Variants in NCKAP5 observed in about 807,000 individuals in gnomAD.
NCKAP5 encodes the protein NCK associated protein 5.
A neutral mutation model predicts 167.0 loss-of-function variants in NCKAP5; 92 were observed. The observed-to-expected ratio is 0.55, with a 90% CI of 0.47 to 0.66. NCKAP5 has a LOEUF of 0.66. Among genes scored for constraint, NCKAP5 ranks in the 30% least tolerant of loss-of-function variants. NCKAP5 has a pLI of 0.00. For synonymous variants in NCKAP5, 891 were observed against 877.4 expected (o/e 1.02, Z -0.27); for missense variants, 2,378 against 2,315.0 (o/e 1.03, Z -0.56).
intron 5 of NCKAP5, among the ~76,000 whole-genome samples, chr2:133,191,197 A>G (rs185832100): frequency 1.1e-4 from 16 of 152,262 alleles, no homozygotes; most frequent in East Asian, 3.9e-4. Flanking sequence ...GGCCATCAGA[A>G]AAATGCAAAT....
At chr2:133,318,939 T>C (rs1681818327) in intron 3 of NCKAP5, among the ~76,000 whole-genome samples, 2 of 152,172 alleles carry the variant, frequency 1.3e-5, no homozygotes, top group African/African-American at 2.4e-5. Flanking sequence ...CAGACCAGCA[T>C]TGTTAACATC....
intron 6 of NCKAP5, among the ~76,000 whole-genome samples, chr2:133,075,706 A>G (rs2080577629): frequency 6.6e-6 from 1 of 152,202 alleles, no homozygotes; most frequent in East Asian, 1.9e-4. Flanking sequence ...TAAAAAGTCT[A>G]CTCAAAGAAA....
At chr2:133,505,964 C>T (rs1367804036) in intron 3 of NCKAP5, among the ~76,000 whole-genome samples, 2 of 152,222 alleles carry the variant, frequency 1.3e-5, no homozygotes, top group Admixed American at 6.5e-5. Context: ...TTAATGACAA[C>T]ATCCCTCATC....
intron 4 of NCKAP5, among the ~76,000 whole-genome samples, chr2:133,256,263 AC>A (rs1298200488): frequency 1.3e-5 from 2 of 152,042 alleles, no homozygotes; most frequent in South Asian, 2.1e-4. Flanking sequence ...TAGGAGCCTT[AC>A]CCCCTCTATT....
chr2:133,639,248 G>A, the NCKAP5 span, among the ~76,000 whole-genome samples: 1 of 152,102 alleles, frequency 6.6e-6, no homozygotes, highest in Non-Finnish European at 1.5e-5. Context: ...GTAATTTGAG[G>A]AACAAATGGC....
intron 8 of NCKAP5, among the ~76,000 whole-genome samples, chr2:132,934,282 C>T (rs145116419): frequency 6.6e-6 from 1 of 152,232 alleles, no homozygotes; most frequent in Non-Finnish European, 1.5e-5. Context: ...TAATAACAAT[C>T]ACTATATGGA....
At chr2:133,004,534 G>C (rs2077893714) in intron 6 of NCKAP5, among the ~76,000 whole-genome samples, 1 of 152,092 alleles carries the variant, frequency 6.6e-6, no homozygotes, top group Non-Finnish European at 1.5e-5. Flanking sequence ...CAAAAGGGGA[G>C]GGGTGTACGA....
the NCKAP5 span, among the ~76,000 whole-genome samples, chr2:133,608,597 G>C: frequency 6.6e-6 from 1 of 152,164 alleles, no homozygotes; most frequent in Non-Finnish European, 1.5e-5. Flanking sequence ...CCTTCTCCAA[G>C]TTTATCCTCT....
the NCKAP5 span, among the ~76,000 whole-genome samples, chr2:133,654,334 C>T: frequency 6.6e-6 from 1 of 151,914 alleles, no homozygotes; most frequent in South Asian, 2.1e-4. Context: ...GCCAAGATCG[C>T]ACCACTGCAC....
intron 3 of NCKAP5, among the ~76,000 whole-genome samples, chr2:133,341,809 T>C (rs1683606807): frequency 6.6e-6 from 1 of 152,208 alleles, no homozygotes; most frequent in South Asian, 2.1e-4. Flanking sequence ...GCCTGGACTT[T>C]AAAGTTATAT....
chr2:132,795,820 G>GAAAAAAAAAAAA (rs55826486), intron 12 of NCKAP5, among the ~76,000 whole-genome samples: 63 of 84,794 alleles, frequency 7.4e-4, no homozygotes, highest in Non-Finnish European at 1.2e-3. Context: ...CCCCGTATCA[G>GAAAAAAAAAAAA]AAAAAAAAAA....
intron 7 of NCKAP5, among the ~76,000 whole-genome samples, chr2:132,980,924 G>A (rs993062544): frequency 6.6e-6 from 1 of 152,138 alleles, no homozygotes; most frequent in African/African-American, 2.4e-5. Context: ...AATAAAAAAG[G>A]TTGTAGCAGG....
At chr2:132,829,689 T>C (rs1687383351) in intron 11 of NCKAP5, among the ~76,000 whole-genome samples, 2 of 152,070 alleles carry the variant, frequency 1.3e-5, no homozygotes, top group Non-Finnish European at 2.9e-5. Context: ...CTTGAAAAAG[T>C]CAGATTACTG....
intron 6 of NCKAP5, among the ~76,000 whole-genome samples, chr2:133,003,682 C>A (rs552618166): frequency 6.6e-6 from 1 of 152,318 alleles, no homozygotes; most frequent in South Asian, 2.1e-4. Context: ...TTTCTTACTT[C>A]TTTCCTAGAT....
At chr2:132,699,709 T>A (rs558949537) in intron 19 of NCKAP5, among the ~76,000 whole-genome samples, 22 of 152,342 alleles carry the variant, frequency 1.4e-4, no homozygotes, top group Non-Finnish European at 2.6e-4. Flanking sequence ...TGTGCCACAT[T>A]TTCTTAATCC....
chr2:132,791,073 C>A (rs2105115844), intron 12 of NCKAP5, among the ~76,000 whole-genome samples: 1 of 152,322 alleles, frequency 6.6e-6, no homozygotes, highest in Non-Finnish European at 1.5e-5. Context: ...AGCATGCACT[C>A]TTGAGCAAGG....
intron 3 of NCKAP5, among the ~76,000 whole-genome samples, chr2:133,325,049 G>A (rs182136799): frequency 3.9e-5 from 6 of 152,230 alleles, no homozygotes; most frequent in African/African-American, 1.4e-4. Flanking sequence ...TTATTCACTC[G>A]AATTCTTCTG....
At chr2:133,084,377 T>C (rs2080913361) in intron 6 of NCKAP5, among the ~76,000 whole-genome samples, 1 of 152,080 alleles carries the variant, frequency 6.6e-6, no homozygotes, top group South Asian at 2.1e-4. Flanking sequence ...AAACAAAATA[T>C]CATGGATAGT....
Position 133,441,485 on chromosome 2 carries a change from C to T in NCKAP5, c.69+75973G>A, listed in dbSNP as rs1690859165. On this transcript the variant is annotated intron_variant, in intron 3 of 19. Transcript: ENST00000409261. Reference sequence around the variant, plus strand: ...AGCAAAAGGTGCTCTATTTAACTAACTGGAAGTCTTTGCAGCGTTAGGATA... The same window carrying T: ...AGCAAAAGGTGCTCTATTTAACTAATTGGAAGTCTTTGCAGCGTTAGGATA... Among the ~76,000 whole-genome samples, 4 of 152,316 alleles carry T rather than the reference C, an allele frequency of 2.6e-5. No homozygotes were observed. The South Asian group carries it at 8.3e-4, about 32-fold the overall frequency.
Sources: gnomAD v4.1 joint callset for allele counts (sites outside exome capture counted in the v4.1 genomes callset) on GRCh38, gnomAD v4.1.1 for gene constraint, MANE v1.5 for transcripts, NCBI Gene and HGNC (gene_info 2026-07-23, HGNC 2026-07-21) for gene names.